GUCY1A2: variants seen among roughly 807,000 people sequenced by gnomAD.
GUCY1A2 encodes guanylate cyclase soluble subunit alpha-2.
In GUCY1A2, 27 loss-of-function variants were observed where a neutral mutation model predicts 63.5. That is an observed-to-expected ratio of 0.43 (90% confidence interval 0.31 to 0.59). The LOEUF (loss-of-function observed/expected upper bound fraction) is 0.59, where lower values mean the gene tolerates loss of function less well. Among genes scored for constraint, GUCY1A2 ranks in the 20% least tolerant of loss-of-function variants. The pLI is 0.11. For synonymous variants in GUCY1A2, 364 were observed against 343.5 expected, an observed-to-expected ratio of 1.06 and a Z score of -0.66; for missense variants, 768 against 913.3, an observed-to-expected ratio of 0.84 and a Z score of 2.05.
intron 4 of GUCY1A2, among the ~76,000 whole-genome samples, chr11:106,854,665 TG>T (rs1186074816): frequency 2.0e-5 from 3 of 151,942 alleles, no homozygotes; most frequent in African/African-American, 7.2e-5. Flanking sequence ...GATGAGCATG[TG>T]GTAGTGGTGG....
chr11:106,784,409 G>A (rs76255173), intron 5 of GUCY1A2, among the ~76,000 whole-genome samples: 3,527 of 152,008 alleles, frequency 0.023, 148 homozygotes, highest in East Asian at 0.15. Flanking sequence ...GGCAGGGTGG[G>A]GTAGCCTGAA....
chr11:106,846,279 T>G (rs1476732578), intron 4 of GUCY1A2, among the ~76,000 whole-genome samples: 2 of 151,796 alleles, frequency 1.3e-5, no homozygotes, highest in East Asian at 1.9e-4. Context: ...ATGAATCATC[T>G]TCTTTGGAGA....
At chr11:106,756,352 A>T (rs1863973609) in intron 6 of GUCY1A2, among the ~76,000 whole-genome samples, 1 of 152,154 alleles carries the variant, frequency 6.6e-6, no homozygotes, top group African/African-American at 2.4e-5. Context: ...TTTACATTTA[A>T]GGTTAATACT....
At chr11:106,962,628 G>A (rs1861073719) in intron 3 of GUCY1A2, among the ~76,000 whole-genome samples, 1 of 151,442 alleles carries the variant, frequency 6.6e-6, no homozygotes, top group Non-Finnish European at 1.5e-5. Context: ...GGTGGGGGGA[G>A]TTAAATCACA....
intron 4 of GUCY1A2, among the ~76,000 whole-genome samples, chr11:106,826,142 C>T (rs1858967941): frequency 6.6e-6 from 1 of 152,122 alleles, no homozygotes; most frequent in Non-Finnish European, 1.5e-5. Context: ...ATGTTTAAAA[C>T]ACAGAAATAA....
chr11:106,894,521 T>C (rs1170858117), intron 4 of GUCY1A2, among the ~76,000 whole-genome samples: 5 of 152,172 alleles, frequency 3.3e-5, no homozygotes, highest in African/African-American at 1.2e-4. Context: ...TCACATGGAA[T>C]GTTCACCAAG....
At chr11:106,806,760 T>G (rs1213690824) in intron 5 of GUCY1A2, among the ~76,000 whole-genome samples, 1 of 152,226 alleles carries the variant, frequency 6.6e-6, no homozygotes, top group East Asian at 1.9e-4. Context: ...TGGAAAGGCT[T>G]TCATTTTCTC....
At chr11:106,791,833 G>T (rs1368648719) in intron 5 of GUCY1A2, among the ~76,000 whole-genome samples, 3 of 151,924 alleles carry the variant, frequency 2.0e-5, no homozygotes, top group African/African-American at 7.3e-5. Flanking sequence ...ATAAAATTTG[G>T]TTTTTATATA....
intron 6 of GUCY1A2, among the ~76,000 whole-genome samples, chr11:106,709,774 A>C (rs1012879192): frequency 7.5e-6 from 1 of 133,734 alleles, no homozygotes; most frequent in Non-Finnish European, 1.6e-5. Context: ...ATACACGTAT[A>C]GAATATATAG....
intron 3 of GUCY1A2, among the ~76,000 whole-genome samples, chr11:106,974,019 G>C (rs989952128): frequency 6.6e-6 from 1 of 152,016 alleles, no homozygotes; most frequent in African/African-American, 2.4e-5. Context: ...ATTCCAGTTC[G>C]TGCAGCTAGT....
At position 106,680,913 on chromosome 11, in the gene GUCY1A2, A is replaced by G. The variant is rs1027477096; in HGVS notation, c.*6636T>C. 1 of 203,254 alleles carries G rather than the reference A, an allele frequency of 4.9e-6. No individual in the cohort carries two copies. The highest frequency in any genetic ancestry group is 2.3e-5 in the African/African-American group (1 of 43,640). 12.6% of individuals were successfully genotyped at this position (203,254 alleles called of 1,614,324 possible). A position where few individuals can be genotyped will look rare whatever the true frequency, so the allele number is the denominator to read the frequency against. On this transcript the variant is annotated 3_prime_UTR_variant, in exon 8 of 8. Transcript: ENST00000526355. ...AATGAATCCTAAGCTTATATGCTAA[A>G]TCATAATCTGATGTTTAGATACTGT...
chr11:106,963,588 C>T (rs1861087206), intron 3 of GUCY1A2, among the ~76,000 whole-genome samples: 1 of 152,128 alleles, frequency 6.6e-6, no homozygotes, highest in Non-Finnish European at 1.5e-5. Flanking sequence ...CAATTTCATC[C>T]TTAATCTCCA....
chr11:106,860,450 T>A (rs958656634), intron 4 of GUCY1A2, among the ~76,000 whole-genome samples: 2 of 151,968 alleles, frequency 1.3e-5, no homozygotes, highest in African/African-American at 4.8e-5. Context: ...TAGGTCATTT[T>A]CCTTTATAGC....
chr11:106,917,626 A>T (rs191937653), intron 4 of GUCY1A2, among the ~76,000 whole-genome samples: 1 of 144,202 alleles, frequency 6.9e-6, no homozygotes, highest in African/African-American at 2.5e-5. Flanking sequence ...AAAAAGGATG[A>T]GTTCATGTCC....
At chr11:106,790,627 T>C (rs1365502530) in intron 5 of GUCY1A2, among the ~76,000 whole-genome samples, 1 of 151,374 alleles carries the variant, frequency 6.6e-6, no homozygotes, top group African/African-American at 2.4e-5. Context: ...CATCTTAGAG[T>C]CTTGCTTAAG....
At chr11:106,912,400 C>T (rs1860307294) in intron 4 of GUCY1A2, among the ~76,000 whole-genome samples, 1 of 152,070 alleles carries the variant, frequency 6.6e-6, no homozygotes, top group East Asian at 1.9e-4. Context: ...GGCCAAAATT[C>T]CATCTGAACC....
intron 5 of GUCY1A2, among the ~76,000 whole-genome samples, chr11:106,798,358 C>T (rs1180689362): frequency 6.6e-6 from 1 of 152,144 alleles, no homozygotes; most frequent in Admixed American, 6.5e-5. Flanking sequence ...GGTACCATTC[C>T]TTCTGAAACT....
At chr11:106,847,301 T>C (rs899895972) in intron 4 of GUCY1A2, among the ~76,000 whole-genome samples, 1 of 148,344 alleles carries the variant, frequency 6.7e-6, no homozygotes, top group African/African-American at 2.5e-5. Flanking sequence ...CTTATATATA[T>C]ACTCACATAT....
chr11:106,752,906 C>G (rs904891487), intron 6 of GUCY1A2, among the ~76,000 whole-genome samples: 3 of 152,114 alleles, frequency 2.0e-5, no homozygotes, highest in African/African-American at 7.2e-5. Context: ...AATGGTAATT[C>G]TGGTTCTAGA....
Sources: gnomAD v4.1 joint callset for allele counts (sites outside exome capture counted in the v4.1 genomes callset) on GRCh38, gnomAD v4.1.1 for gene constraint, MANE v1.5 for transcripts, NCBI Gene and HGNC (gene_info 2026-07-23, HGNC 2026-07-21) for gene names.